CARS1: variants seen among roughly 807,000 people sequenced by gnomAD.
CARS1 encodes cysteine--tRNA ligase, cytoplasmic.
CARS1 carries 48 observed loss-of-function variants against 106.2 expected under a neutral mutation model. The ratio of observed to expected loss-of-function variants is 0.45; its 90% confidence interval spans 0.36 to 0.57. The LOEUF (loss-of-function observed/expected upper bound fraction) is 0.57. Ranked by LOEUF, CARS1 falls within the 20% of genes least tolerant of loss-of-function variation. The pLI is 0.00. For missense variants in CARS1, 968 were observed against 1,057.2 expected, an observed-to-expected ratio of 0.92 and a Z score of 1.17; for synonymous variants, 409 against 403.4, an observed-to-expected ratio of 1.01 and a Z score of -0.17.
In CARS1 at chr11:3,003,071, G is replaced by T. The variant is rs542229307; in HGVS notation, c.2218-471C>A. Among the ~76,000 whole-genome samples the T allele has an allele frequency of 3.8e-4, 58 of 152,260 alleles. No homozygotes were observed. Among genetic ancestry groups the T allele is most frequent in the African/African-American group, 1.3e-3 (56 of 41,536 alleles). On this transcript the variant is annotated intron_variant, in intron 20 of 22. Transcript: ENST00000380525. This position sits in a 1 kb window ranked among gnomAD's most constrained non-coding sequence, Gnocchi z 4.8. ...GGGCGGAGGGCAGCCTTGGGGGCTA[G>T]GTGAGGAGACCAGAGCCCACTCCAA... is the stretch of plus-strand genomic sequence containing the variant.
chr11:3,037,154 CATGTG>C lies in CARS1; in HGVS notation c.801+891_801+895del. 6.6e-6 allele frequency among the ~76,000 whole-genome samples: 1 copy of C among 152,354 alleles called. No homozygotes were observed. The highest frequency in any genetic ancestry group is 6.5e-5 in the Admixed American group (1 of 15,304). On this transcript the variant is annotated intron_variant, in intron 7 of 22. Coordinates refer to ENST00000380525, the MANE Select transcript of CARS1 (RefSeq NM_001014437.3). The surrounding 1 kb of genome is among the most constrained non-coding windows in gnomAD (Gnocchi z 5.9). ...GGCACTGAGGCAGTGACAGTGACCA[CATGTG>C]GGTCGTCCCAGAAGCACAGCTTGGG...
rs1244793130 is a variant in CARS1 at position 3,004,098 on chromosome 11, G to A, written c.2217+1268C>T. On this transcript the variant is annotated intron_variant, in intron 20 of 22. Transcript: ENST00000380525. The surrounding 1 kb of genome is among the most constrained non-coding windows in gnomAD (Gnocchi z 5.2). ...CCAGGCCACCTCACAGCACAGCACG[G>A]CAGGCGAGACCCAAGGCTAGGTGAG... is the stretch of plus-strand genomic sequence containing the variant. 6.6e-6 allele frequency among the ~76,000 whole-genome samples: 1 copy of A among 152,202 alleles called. No individual in the cohort carries two copies. The highest frequency in any genetic ancestry group is 1.5e-5 in the Non-Finnish European group (1 of 68,038).
chr11:3,044,022 AC>A lies in CARS1; in HGVS notation c.275-1767del, dbSNP rs1362590073. On this transcript the variant is annotated intron_variant, in intron 2 of 22. Coordinates refer to ENST00000380525, the MANE Select transcript of CARS1 (RefSeq NM_001014437.3). The surrounding 1 kb of genome is among the most constrained non-coding windows in gnomAD (Gnocchi z 4.4). ...GGCCTCAGTGTACTTTAAATGCCTC[AC>A]AAGCCCTTGAAGGAGAATCTCACTC... Among the ~76,000 whole-genome samples, 1 of 152,190 alleles carries A rather than the reference AC, an allele frequency of 6.6e-6. No individual in the cohort carries two copies. The highest frequency in any genetic ancestry group is 2.1e-4 in the South Asian group (1 of 4,828).
chr11:3,040,715 A>T lies in CARS1; in HGVS notation c.455+181T>A. 1.5e-6 allele frequency: 1 copy of T among 681,798 alleles called. No homozygotes were observed. Among genetic ancestry groups the T allele is most frequent in the South Asian group, 1.7e-5 (1 of 58,758 alleles). 42.2% of individuals were successfully genotyped at this position (681,798 alleles called of 1,614,324 possible). On this transcript the variant is annotated intron_variant, in intron 4 of 22. Coordinates refer to ENST00000380525, the MANE Select transcript of CARS1 (RefSeq NM_001014437.3). The surrounding 1 kb of genome is among the most constrained non-coding windows in gnomAD (Gnocchi z 5.8). ...TTTCTGCAGTGAATATAGATTACTT[A>T]TGGCATTAAAATTTTCATCTTAAAA...
intron 19 of CARS1, among the ~76,000 whole-genome samples, chr11:3,006,567 G>A (rs1435238826): frequency 6.6e-6 from 1 of 152,274 alleles, no homozygotes; most frequent in Non-Finnish European, 1.5e-5. Context: ...CAGGATACAG[G>A]CTGGTTCCTC....
chr11:3,001,822 G>A, intron 22 of CARS1, 148 bp downstream of exon 22: 1 of 723,042 alleles, frequency 1.4e-6, no homozygotes, highest in South Asian at 1.6e-5. Flanking sequence ...GGGCCAGGAG[G>A]CCCTGGACCT....
At position 3,019,513 on chromosome 11, in the gene CARS1, G is replaced by A. The variant is rs1851370455; in HGVS notation, c.1267-246C>T. Among the ~76,000 whole-genome samples the A allele has an allele frequency of 6.6e-6, 1 of 152,120 alleles. No homozygotes were observed. Among genetic ancestry groups the A allele is most frequent in the African/African-American group, 2.4e-5 (1 of 41,408 alleles). On this transcript the variant is annotated intron_variant, in intron 11 of 22. Transcript: ENST00000380525. This position sits in a 1 kb window ranked among gnomAD's most constrained non-coding sequence, Gnocchi z 6.2. ...GTTCAAGACCAGCCTGGCCAACATGGTGAAACCCCGTCTCTACTAAAAATA... is the reference window on the plus strand; with the variant it reads ...GTTCAAGACCAGCCTGGCCAACATGATGAAACCCCGTCTCTACTAAAAATA...
intron 18 of CARS1, among the ~76,000 whole-genome samples, chr11:3,010,591 G>C (rs1249746384): frequency 6.6e-6 from 1 of 152,214 alleles, no homozygotes; most frequent in African/African-American, 2.4e-5. Context: ...GTCAGGCCCA[G>C]GCCCCTCTCC....
At position 3,045,741 on chromosome 11, in the gene CARS1, G is replaced by T. The variant is rs1234503145; in HGVS notation, c.274+2012C>A. 6.6e-6 allele frequency among the ~76,000 whole-genome samples: 1 copy of T among 152,252 alleles called. No homozygotes were observed. The highest frequency in any genetic ancestry group is 1.5e-5 in the Non-Finnish European group (1 of 68,048). Reference sequence around the variant, plus strand: ...GAGGGGCACATGGCCCACTGTGCCAGCAAGGAAGGTGCATGCTTGGGGAGT... The same window carrying T: ...GAGGGGCACATGGCCCACTGTGCCATCAAGGAAGGTGCATGCTTGGGGAGT... On this transcript the variant is annotated intron_variant, in intron 2 of 22. Transcript: ENST00000380525. The surrounding 1 kb of genome is among the most constrained non-coding windows in gnomAD (Gnocchi z 5.6).
chr11:3,006,946 C>A lies in CARS1; in HGVS notation c.2082G>T (p.Leu694=). Residue 694 remains leucine, a synonymous_variant, in exon 19 of 23, where the codon CTG becomes CTT. Coordinates refer to ENST00000380525, the MANE Select transcript of CARS1 (RefSeq NM_001014437.3). The part of the protein sequence containing the change: ...IAREQKVPEI[L]QLSDALRDNI... ...TGTCCCGCAGGGCATCGCTGAGCTGCAGAATCTCAGGGACTGTAGGAGAAG... is the reference window on the plus strand; with the variant it reads ...TGTCCCGCAGGGCATCGCTGAGCTGAAGAATCTCAGGGACTGTAGGAGAAG... The A allele has an allele frequency of 6.2e-7, 1 of 1,614,008 alleles. No homozygotes were observed. Among genetic ancestry groups the A allele is most frequent in the African/African-American group, 1.3e-5 (1 of 75,066 alleles).
Position 3,041,616 on chromosome 11 carries a change from C to A in CARS1, c.366+549G>T, listed in dbSNP as rs1023298781. 6.6e-6 allele frequency among the ~76,000 whole-genome samples: 1 copy of A among 152,120 alleles called. No individual in the cohort carries two copies. The highest frequency in any genetic ancestry group is 2.4e-5 in the African/African-American group (1 of 41,422). On this transcript the variant is annotated intron_variant, in intron 3 of 22. Transcript: ENST00000380525. The surrounding 1 kb of genome is among the most constrained non-coding windows in gnomAD (Gnocchi z 4.9). ...ACTCTCTGTCTGCCAAACATGCTCC[C>A]TGATGGAAATCCAAGCAGCCCCGCC...
chr11:3,017,253 G>GT lies in CARS1; in HGVS notation c.1769dup (p.Asp590GlufsTer4). 1 of 1,614,130 alleles carries GT rather than the reference G, an allele frequency of 6.2e-7. No homozygotes were observed. Among genetic ancestry groups the GT allele is most frequent in the Non-Finnish European group, 8.5e-7 (1 of 1,179,956 alleles). ...CCATGACGGTGCGGGTGTCAACATT[G>GT]TCACAGAGGGCTTTGTGAATTGCTG... On this transcript the variant is annotated frameshift_variant, in exon 16 of 23. Coordinates refer to ENST00000380525, the MANE Select transcript of CARS1 (RefSeq NM_001014437.3). LOFTEE classifies it high-confidence loss of function. The surrounding 1 kb of genome is among the most constrained non-coding windows in gnomAD (Gnocchi z 4.9).
Position 3,017,860 on chromosome 11 carries a change from T to A in CARS1, c.1724A>T (p.Lys575Met). 6.2e-7 allele frequency: 1 copy of A among 1,608,034 alleles called. No homozygotes were observed. The highest frequency in any genetic ancestry group is 8.5e-7 in the Non-Finnish European group (1 of 1,174,554). Residue 575 changes from lysine (K) to methionine (M), a missense_variant, in exon 15 of 23, where the codon AAG becomes ATG. Transcript: ENST00000380525. This position sits in a 1 kb window ranked among gnomAD's most constrained non-coding sequence, Gnocchi z 4.9. ...CAAAGAAATGGCACCACCTTACTTC[T>A]TATTCAGTTCTGCTTCTTCTTCTCC... ...KWGEEEAELN[K>M]NFYDKKTAIH...
rs985643029 is a variant in CARS1, at chr11:3,040,823, G to A, written c.455+73C>T. 2.1e-4 allele frequency: 310 copies of A among 1,510,126 alleles called. No homozygotes were observed. Among genetic ancestry groups the A allele is most frequent in the Non-Finnish European group, 2.7e-4 (297 of 1,101,680 alleles). 93.5% of individuals were successfully genotyped at this position (1,510,126 alleles called of 1,614,324 possible). On this transcript the variant is annotated intron_variant, in intron 4 of 22. Coordinates refer to ENST00000380525, the MANE Select transcript of CARS1 (RefSeq NM_001014437.3). The surrounding 1 kb of genome is among the most constrained non-coding windows in gnomAD (Gnocchi z 5.8). ...AGATCTTTGTGGACCTAAGATCGCT[G>A]CTGTGGATCCCAATGGCTCTGACTT...
chr11:3,040,796 TA>T lies in CARS1; in HGVS notation c.455+99del. 1.6e-6 allele frequency: 2 copies of T among 1,246,184 alleles called. No homozygotes were observed. Among genetic ancestry groups the T allele is most frequent in the Non-Finnish European group, 2.3e-6 (2 of 876,190 alleles). The allele number at this position is 1,246,184 out of a possible 1,614,324, so 77.2% of individuals were successfully genotyped here. A position where few individuals can be genotyped will look rare whatever the true frequency, so the allele number is the denominator to read the frequency against. ...AAATCTCAGGTCTCTGTAGCAGATC[TA>T]AGATCTTTGTGGACCTAAGATCGCT... On this transcript the variant is annotated intron_variant, in intron 4 of 22. Coordinates refer to ENST00000380525, the MANE Select transcript of CARS1 (RefSeq NM_001014437.3). This position sits in a 1 kb window ranked among gnomAD's most constrained non-coding sequence, Gnocchi z 5.8.
At position 3,052,282 on chromosome 11, in the gene CARS1, G is replaced by A. The variant is rs991141705; in HGVS notation, c.26-4281C>T. Reference sequence around the variant, plus strand: ...GCGGCATTTCCTCACGGTAAAACACGCTCATAACATCAGCCCTGTAAAGCT... The same window carrying A: ...GCGGCATTTCCTCACGGTAAAACACACTCATAACATCAGCCCTGTAAAGCT... On this transcript the variant is annotated intron_variant, in intron 1 of 22. Transcript: ENST00000380525. The surrounding 1 kb of genome is among the most constrained non-coding windows in gnomAD (Gnocchi z 4.6). Among the ~76,000 whole-genome samples the A allele has an allele frequency of 2.6e-5, 4 of 152,114 alleles. No individual in the cohort carries two copies.
In CARS1 at chr11:3,038,027, C is replaced by T. The variant is rs1424869017; in HGVS notation, c.801+23G>A. 6.2e-7 allele frequency: 1 copy of T among 1,604,068 alleles called. No individual in the cohort carries two copies. Among genetic ancestry groups the T allele is most frequent in the Non-Finnish European group, 8.5e-7 (1 of 1,172,412 alleles). On this transcript the variant is annotated intron_variant, in intron 7 of 22. Coordinates refer to ENST00000380525, the MANE Select transcript of CARS1 (RefSeq NM_001014437.3). This position sits in a 1 kb window ranked among gnomAD's most constrained non-coding sequence, Gnocchi z 4.0. Reference sequence around the variant, plus strand: ...CCGACATTTGACCCGAACGGGCTGTCTGGGAGATGTGTGAAGCCTCACCTC... The same window carrying T: ...CCGACATTTGACCCGAACGGGCTGTTTGGGAGATGTGTGAAGCCTCACCTC...
At chr11:3,007,064 A>G (rs530222286) in intron 18 of CARS1, 105 bp from the exon 19 acceptor site, 70 of 895,534 alleles carry the variant, frequency 7.8e-5, no homozygotes, top group Non-Finnish European at 1.0e-4. Flanking sequence ...CCCACAGAAC[A>G]AGTGCCTCCT....
In CARS1 at chr11:3,014,630, A is replaced by G. The variant is rs543975642; in HGVS notation, c.1986+1151T>C. ...TAAATATCTTAGTATCATTTGCGCA[A>G]GAGAACAAAGAAGCTATGTGGGTTT... On this transcript the variant is annotated intron_variant, in intron 17 of 22. Transcript: ENST00000380525. 2.7e-3 allele frequency among the ~76,000 whole-genome samples: 316 copies of G among 116,212 alleles called. 2 individuals carry two copies. Among genetic ancestry groups the G allele is most frequent in the Non-Finnish European group, 4.5e-3 (256 of 56,932 alleles). 76.2% of individuals were successfully genotyped at this position (116,212 alleles called of 152,430 possible).
Sources: gnomAD v4.1 joint callset for allele counts (sites outside exome capture counted in the v4.1 genomes callset) on GRCh38, gnomAD v4.1.1 for gene constraint, Gnocchi (gnomAD v3.1) non-coding constraint, MANE v1.5 for transcripts, NCBI Gene and HGNC (gene_info 2026-07-23, HGNC 2026-07-21) for gene names.